The following CCDC148 variants were observed in gnomAD, a reference collection of about 807,000 sequenced individuals.
CCDC148 encodes the protein coiled-coil domain-containing protein 148.
A neutral mutation model predicts 85.7 loss-of-function variants in CCDC148; 89 were observed. That is an observed-to-expected ratio of 1.04 (90% CI 0.87 to 1.24). The LOEUF is 1.24. Ranked by LOEUF, CCDC148 falls within the 50% of genes most tolerant of loss-of-function variation. CCDC148 has a pLI of 0.00. For missense variants in CCDC148, 692 were observed against 671.7 expected, an observed-to-expected ratio of 1.03 and a Z score of -0.33; for synonymous variants, 230 against 213.9, an observed-to-expected ratio of 1.08 and a Z score of -0.66.
intron 9 of CCDC148, among the ~76,000 whole-genome samples, chr2:158,257,581 T>C (rs1689061297): frequency 6.6e-6 from 1 of 151,826 alleles, no homozygotes; most frequent in South Asian, 2.1e-4. Context: ...AGCAGAAAAA[T>C]TTTGTCTTTA....
At chr2:158,193,430 G>T (rs192603648) in intron 11 of CCDC148, among the ~76,000 whole-genome samples, 49 of 152,158 alleles carry the variant, frequency 3.2e-4, no homozygotes, top group Middle Eastern at 3.4e-3. Flanking sequence ...TCCTAGGAGG[G>T]TATGGCTTGT....
intron 3 of CCDC148, 77 bp downstream of exon 3, chr2:158,345,138 C>T: frequency 2.1e-6 from 2 of 956,002 alleles, no homozygotes; most frequent in Non-Finnish European, 3.1e-6. Flanking sequence ...TAACATGGAA[C>T]ATTATAGAAC....
chr2:158,265,412 C>G (rs944059156), intron 9 of CCDC148, among the ~76,000 whole-genome samples: 2 of 151,992 alleles, frequency 1.3e-5, no homozygotes, highest in Non-Finnish European at 2.9e-5. Flanking sequence ...TTTTTTCATA[C>G]GTGTGACTCC....
chr2:158,249,467 T>C (rs937176816), intron 10 of CCDC148, among the ~76,000 whole-genome samples: 1 of 152,200 alleles, frequency 6.6e-6, no homozygotes, highest in African/African-American at 2.4e-5. Context: ...ATCAACTCTC[T>C]TGATAGGGAC....
chr2:158,435,000 A>G lies in CCDC148; in HGVS notation c.25+21415T>C, dbSNP rs553576536. Among the ~76,000 whole-genome samples, 431 of 152,334 alleles carry G rather than the reference A, an allele frequency of 2.8e-3. 1 individual carries two copies. The highest frequency in any genetic ancestry group is 5.5e-3 in the Non-Finnish European group (374 of 68,020). ...TGTGAAAAGACCAAATCTATGTCTG[A>G]TTGGTGTACCTGAAAGTGACGGGGA... On this transcript the variant is annotated intron_variant, in intron 1 of 13. Coordinates refer to ENST00000283233, the MANE Select transcript of CCDC148 (RefSeq NM_138803.4).
intron 11 of CCDC148, 150 bp from the exon 12 acceptor site, chr2:158,179,146 A>G: frequency 2.0e-6 from 1 of 499,468 alleles, no homozygotes; most frequent in Non-Finnish European, 3.5e-6. Flanking sequence ...AATCAATAAA[A>G]GACACTCATA....
At chr2:158,199,751 G>A (rs1236746737) in intron 11 of CCDC148, among the ~76,000 whole-genome samples, 2 of 152,060 alleles carry the variant, frequency 1.3e-5, no homozygotes, top group African/African-American at 4.8e-5. Context: ...TAAAAATATA[G>A]TTATCTGATT....
chr2:158,284,368 A>G (rs1164282580), intron 9 of CCDC148, among the ~76,000 whole-genome samples: 4 of 152,208 alleles, frequency 2.6e-5, no homozygotes, highest in Non-Finnish European at 2.9e-5. Context: ...ATTTTTTATA[A>G]TTAATAATAA....
intron 1 of CCDC148, among the ~76,000 whole-genome samples, chr2:158,421,017 C>G (rs1338118974): frequency 6.6e-6 from 1 of 152,090 alleles, no homozygotes; most frequent in Non-Finnish European, 1.5e-5. Flanking sequence ...GTAAAGGGAT[C>G]AATTCCACAA....
At chr2:158,244,922 A>T (rs948892775) in intron 10 of CCDC148, among the ~76,000 whole-genome samples, 11 of 152,132 alleles carry the variant, frequency 7.2e-5, no homozygotes, top group Non-Finnish European at 1.2e-4. Context: ...GGAATTTTTT[A>T]AAAAATCATT....
chr2:158,249,848 CCAATGACCATGAATTAATTAATCATT>C (rs1243714866), intron 10 of CCDC148, among the ~76,000 whole-genome samples: 1 of 152,094 alleles, frequency 6.6e-6, no homozygotes, highest in African/African-American at 2.4e-5. Context: ...AGTTTGTCCA[CCAATGACCATGAATTAATTAATCATT>C]CTTGGCACTG....
At chr2:158,178,147 G>A (rs1317170895) in intron 12 of CCDC148, 1 of 152,084 alleles carries the variant, frequency 6.6e-6, no homozygotes, top group Admixed American at 6.6e-5. Context: ...AGGTTGGAAG[G>A]ACACCAGAGG....
intron 11 of CCDC148, among the ~76,000 whole-genome samples, chr2:158,211,973 C>T (rs1196220913): frequency 6.6e-6 from 1 of 152,166 alleles, no homozygotes; most frequent in African/African-American, 2.4e-5. Flanking sequence ...TATGAACACA[C>T]ACATCTCCCA....
chr2:158,420,266 C>T (rs757503660), intron 1 of CCDC148: 1 of 152,012 alleles, frequency 6.6e-6, no homozygotes, highest in African/African-American at 2.4e-5. Context: ...AGATACTCCT[C>T]GAGAAAAGGA....
At chr2:158,365,828 G>C (rs574279818) in intron 1 of CCDC148, among the ~76,000 whole-genome samples, 3 of 151,948 alleles carry the variant, frequency 2.0e-5, no homozygotes, top group Non-Finnish European at 4.4e-5. Context: ...GAAAGCAAGG[G>C]TATCCTGACC....
chr2:158,348,298 A>G (rs759287282), intron 2 of CCDC148, among the ~76,000 whole-genome samples: 6 of 152,108 alleles, frequency 3.9e-5, no homozygotes, highest in Non-Finnish European at 7.4e-5. Context: ...CTATCAATTT[A>G]CTGGAAATAC....
At chr2:158,283,700 T>C (rs2105179018) in intron 9 of CCDC148, among the ~76,000 whole-genome samples, 1 of 151,932 alleles carries the variant, frequency 6.6e-6, no homozygotes, top group African/African-American at 2.4e-5. Context: ...AGTTCAACCA[T>C]TGTGGAAGTC....
At chr2:158,354,207 A>G (rs1683490065) in intron 2 of CCDC148, among the ~76,000 whole-genome samples, 1 of 152,148 alleles carries the variant, frequency 6.6e-6, no homozygotes, top group African/African-American at 2.4e-5. Flanking sequence ...AGCTAGCAGA[A>G]GGCAAGAAAT....
chr2:158,389,278 G>C (rs923574515), intron 1 of CCDC148, among the ~76,000 whole-genome samples: 2 of 152,118 alleles, frequency 1.3e-5, no homozygotes, highest in South Asian at 2.1e-4. Flanking sequence ...TATATAAAAA[G>C]ACCAAATAGT....
Sources: gnomAD v4.1 joint callset for allele counts (sites outside exome capture counted in the v4.1 genomes callset) on GRCh38, gnomAD v4.1.1 for gene constraint, MANE v1.5 for transcripts, NCBI Gene and HGNC (gene_info 2026-07-23, HGNC 2026-07-21) for gene names.